ADARB2: variants seen among roughly 807,000 people sequenced by gnomAD.
ADARB2 encodes the protein adenosine deaminase RNA specific B2 (inactive), also known as inactive double-stranded RNA-specific editase B2.
A neutral mutation model predicts 62.2 loss-of-function variants in ADARB2; 25 were observed. The ratio of observed to expected loss-of-function variants is 0.40; its 90% confidence interval spans 0.29 to 0.56. The LOEUF (loss-of-function observed/expected upper bound fraction) is 0.56. ADARB2 is among the 20% of genes least tolerant of loss of function. ADARB2 has a pLI of 0.43. For synonymous variants in ADARB2, 572 were observed against 500.8 expected (o/e 1.14, Z -1.90); for missense variants, 1,071 against 1,077.4 (o/e 0.99, Z 0.08).
At chr10:1,302,326 T>TA (rs1831581116) in intron 3 of ADARB2, among the ~76,000 whole-genome samples, 1 of 152,168 alleles carries the variant, frequency 6.6e-6, no homozygotes. Flanking sequence ...CCGACGGGCT[T>TA]AAAAAACGGC....
intron 1 of ADARB2, among the ~76,000 whole-genome samples, chr10:1,473,242 G>T (rs2813411): frequency 0.024 from 3,599 of 152,194 alleles, 147 homozygotes; most frequent in African/African-American, 0.081. Flanking sequence ...AACTTGCCTC[G>T]GTCTCTTCTT....
chr10:1,506,637 A>G (rs187162673), intron 1 of ADARB2, among the ~76,000 whole-genome samples: 7 of 152,368 alleles, frequency 4.6e-5, no homozygotes, highest in Admixed American at 1.3e-4. Context: ...GGCTGTCCAC[A>G]CAGCCCTGGG....
rs1317430320 is a variant in ADARB2 at position 1,181,065 on chromosome 10, C to T, written c.*2128G>A. On this transcript the variant is annotated 3_prime_UTR_variant, in exon 10 of 10. Coordinates refer to ENST00000381312, the MANE Select transcript of ADARB2 (RefSeq NM_018702.4). ...GTGACAGTGAAATCTGCTTACAACACAGGCCCCCTCGCTGCAGAAACAGCG... is the reference window on the plus strand; with the variant it reads ...GTGACAGTGAAATCTGCTTACAACATAGGCCCCCTCGCTGCAGAAACAGCG... 2 of 152,248 alleles carry T rather than the reference C, an allele frequency of 1.3e-5. No homozygotes were observed. Among genetic ancestry groups the T allele is most frequent in the Non-Finnish European group, 2.9e-5 (2 of 68,054 alleles). 9.4% of individuals were successfully genotyped at this position (152,248 alleles called of 1,614,324 possible).
chr10:1,633,036 C>T (rs1423966130), intron 1 of ADARB2, among the ~76,000 whole-genome samples: 2 of 152,124 alleles, frequency 1.3e-5, no homozygotes, highest in African/African-American at 4.8e-5. Flanking sequence ...TGGAGTGGGC[C>T]TCCCTCTCCC....
At chr10:1,496,725 T>C (rs1264304377) in intron 1 of ADARB2, among the ~76,000 whole-genome samples, 2 of 152,118 alleles carry the variant, frequency 1.3e-5, no homozygotes, top group Non-Finnish European at 2.9e-5. Flanking sequence ...ATCACCATAA[T>C]TAGCATCAAC....
chr10:1,450,468 C>T (rs1410441277), intron 1 of ADARB2, among the ~76,000 whole-genome samples: 5 of 152,360 alleles, frequency 3.3e-5, no homozygotes, highest in Admixed American at 6.5e-5. Flanking sequence ...ACTCTGATGT[C>T]GGATGCCCGG....
chr10:1,297,556 C>T (rs1229846783), intron 3 of ADARB2, among the ~76,000 whole-genome samples: 1 of 152,178 alleles, frequency 6.6e-6, no homozygotes. Flanking sequence ...CCAGAGACCC[C>T]CGAGGGTGGC....
At chr10:1,294,106 G>A (rs1831502513) in intron 3 of ADARB2, among the ~76,000 whole-genome samples, 1 of 152,172 alleles carries the variant, frequency 6.6e-6, no homozygotes, top group Non-Finnish European at 1.5e-5. Flanking sequence ...GGAGATGGAT[G>A]AAAATCAGCT....
chr10:1,203,101 C>G (rs1487972450), intron 7 of ADARB2, among the ~76,000 whole-genome samples: 2 of 152,136 alleles, frequency 1.3e-5, no homozygotes, highest in Non-Finnish European at 2.9e-5. Flanking sequence ...TGGAAAAATG[C>G]CTCTCCTTTT....
At chr10:1,207,071 G>A (rs1306934643) in intron 7 of ADARB2, among the ~76,000 whole-genome samples, 2 of 152,218 alleles carry the variant, frequency 1.3e-5, no homozygotes, top group Admixed American at 6.5e-5. Context: ...TTAAGGCCGG[G>A]CGCGGTGGCT....
intron 1 of ADARB2, among the ~76,000 whole-genome samples, chr10:1,570,542 G>C (rs1314627736): frequency 6.6e-6 from 1 of 152,242 alleles, no homozygotes; most frequent in Non-Finnish European, 1.5e-5. Flanking sequence ...TCTTGGTGAA[G>C]CCTCAGCTGA....
rs188404188 is a variant in ADARB2 at position 1,646,587 on chromosome 10, A to T, written c.100+90464T>A. Among the ~76,000 whole-genome samples, 631 of 152,324 alleles carry T rather than the reference A, an allele frequency of 4.1e-3. 5 individuals are homozygous for T. The highest frequency in any genetic ancestry group is 6.1e-3 in the Non-Finnish European group (417 of 68,030). On this transcript the variant is annotated intron_variant, in intron 1 of 9. Transcript: ENST00000381312. ...GCAGTCACAGAAGACAGTCAGGTTG[A>T]CCCCACTGGCAGCAAAATGCCAGTC...
At chr10:1,450,199 C>T (rs1831019764) in intron 1 of ADARB2, among the ~76,000 whole-genome samples, 5 of 152,230 alleles carry the variant, frequency 3.3e-5, no homozygotes, top group Admixed American at 2.0e-4. Flanking sequence ...AGCCCTGGTC[C>T]TCAGTTACAA....
chr10:1,244,827 C>T (rs1193631096), intron 4 of ADARB2, among the ~76,000 whole-genome samples: 1 of 152,108 alleles, frequency 6.6e-6, no homozygotes, highest in Non-Finnish European at 1.5e-5. Context: ...GCAGAGTGGG[C>T]ATGGTGGTCA....
At chr10:1,267,372 G>A (rs969992319) in intron 4 of ADARB2, among the ~76,000 whole-genome samples, 1 of 152,166 alleles carries the variant, frequency 6.6e-6, no homozygotes, top group African/African-American at 2.4e-5. Flanking sequence ...ATCTCCCATC[G>A]TTTTAGATGA....
At chr10:1,557,461 C>A (rs578066069) in intron 1 of ADARB2, among the ~76,000 whole-genome samples, 4 of 152,160 alleles carry the variant, frequency 2.6e-5, no homozygotes, top group African/African-American at 7.2e-5. Flanking sequence ...ACAGGCCCCA[C>A]GCTTCCCGCC....
Position 1,446,539 on chromosome 10 carries a change from C to A in ADARB2, c.101-67379G>T, listed in dbSNP as rs183737360. On this transcript the variant is annotated intron_variant, in intron 1 of 9. Coordinates refer to ENST00000381312, the MANE Select transcript of ADARB2 (RefSeq NM_018702.4). The stretch of plus-strand genomic sequence containing the variant: ...ATGAGTGCTGAGGTCAGGGCTTAGG[C>A]GGGGGCGAAGGCATGCAGGGAGGCG... 1.0e-3 allele frequency among the ~76,000 whole-genome samples: 154 copies of A among 152,208 alleles called. 1 individual carries two copies. Among genetic ancestry groups the A allele is most frequent in the African/African-American group, 3.6e-3 (150 of 41,540 alleles).
intron 1 of ADARB2, among the ~76,000 whole-genome samples, chr10:1,624,020 C>G (rs989502711): frequency 6.6e-6 from 1 of 152,050 alleles, no homozygotes; most frequent in African/African-American, 2.4e-5. Context: ...ATCACTTAAG[C>G]CCAAGAGTTT....
chr10:1,635,174 CCA>C (rs1242799404), intron 1 of ADARB2, among the ~76,000 whole-genome samples: 2 of 152,170 alleles, frequency 1.3e-5, no homozygotes, highest in African/African-American at 4.8e-5. Flanking sequence ...ACCATGGGTG[CCA>C]CAGTTTAAAA....
Sources: allele counts gnomAD v4.1 joint callset (sites outside exome capture counted in the v4.1 genomes callset), GRCh38; gene constraint gnomAD v4.1.1; transcripts MANE v1.5; gene names NCBI Gene and HGNC (gene_info 2026-07-23, HGNC 2026-07-21).